The following RAB33A variants were observed in gnomAD, a reference collection of about 807,000 sequenced individuals.
The protein encoded by RAB33A is ras-related protein Rab-33A.
RAB33A carries 6 observed loss-of-function variants against 12.0 expected under a neutral mutation model. That is an observed-to-expected ratio of 0.50 (90% confidence interval 0.27 to 0.99). RAB33A has a LOEUF of 0.99. Ranked by LOEUF, RAB33A falls within the 50% of genes least tolerant of loss-of-function variation. The probability of loss-of-function intolerance (pLI) is 0.11; values close to 1 mark genes in which losing one functional copy is unlikely to be tolerated. For synonymous variants in RAB33A, 70 were observed against 82.4 expected (o/e 0.85, Z 0.81); for missense variants, 109 against 192.0 (o/e 0.57, Z 2.55).
At chrX:130,132,290 A>G in the RAB33A span, among the ~76,000 whole-genome samples, 1 of 112,416 alleles carries the variant, frequency 8.9e-6, no homozygotes, top group African/African-American at 3.2e-5. Flanking sequence ...TAACCCTAAT[A>G]GCTTTGACTT....
chrX:130,157,420 C>G, the RAB33A span, among the ~76,000 whole-genome samples: 8 of 111,817 alleles, frequency 7.2e-5, no homozygotes, highest in Non-Finnish European at 3.8e-5. Flanking sequence ...TGTGATTACT[C>G]CTCGTGTTTG....
upstream of RAB33A, among the ~76,000 whole-genome samples, chrX:130,170,510 G>T (rs1284085267): frequency 8.9e-6 from 1 of 112,334 alleles, no homozygotes; most frequent in Non-Finnish European, 1.9e-5. Flanking sequence ...GCACTTTATC[G>T]TATGTAAATT....
the RAB33A span, among the ~76,000 whole-genome samples, chrX:130,159,158 C>T: frequency 8.9e-6 from 1 of 111,866 alleles, no homozygotes; most frequent in African/African-American, 3.3e-5. Flanking sequence ...ATAAAGTAGC[C>T]TCTCTCCAGT....
At chrX:130,140,908 G>A in the RAB33A span, among the ~76,000 whole-genome samples, 5 of 112,239 alleles carry the variant, frequency 4.5e-5, no homozygotes, top group Non-Finnish European at 7.5e-5. Context: ...CTGAGGCCAC[G>A]AGTTTGAGAC....
the RAB33A span, among the ~76,000 whole-genome samples, chrX:130,122,494 G>C: frequency 8.9e-6 from 1 of 112,504 alleles, no homozygotes; most frequent in Non-Finnish European, 1.9e-5. Context: ...TTCCTGACTT[G>C]CTTGTCACTG....
chrX:130,167,431 T>TA (rs2031550801), upstream of RAB33A, among the ~76,000 whole-genome samples: 1 of 112,948 alleles, frequency 8.9e-6, no homozygotes, highest in South Asian at 3.6e-4. Flanking sequence ...GGGACAATGA[T>TA]AGAGAGTACA....
At chrX:130,135,193 C>T in the RAB33A span, among the ~76,000 whole-genome samples, 1 of 109,060 alleles carries the variant, frequency 9.2e-6, no homozygotes, top group Non-Finnish European at 1.9e-5. Flanking sequence ...AGTGATTCTC[C>T]TGCCTCACTC....
chrX:130,168,654 G>A (rs2031571754), upstream of RAB33A, among the ~76,000 whole-genome samples: 1 of 111,962 alleles, frequency 8.9e-6, no homozygotes, highest in Admixed American at 9.5e-5. Flanking sequence ...GCCTCTCAAA[G>A]TGTTGGGATT....
At chrX:130,142,123 G>C in the RAB33A span, among the ~76,000 whole-genome samples, 1 of 112,062 alleles carries the variant, frequency 8.9e-6, no homozygotes, top group African/African-American at 3.2e-5. Context: ...GCTGCTTTCA[G>C]AGTTTAGTGG....
At chrX:130,145,458 AG>A in the RAB33A span, 1 of 1,163,580 alleles carries the variant, frequency 8.6e-7, no homozygotes, top group Non-Finnish European at 1.2e-6. Flanking sequence ...GCCTGACAAA[AG>A]AAGCGGTCTA....
the RAB33A span, among the ~76,000 whole-genome samples, chrX:130,160,591 A>C: frequency 9.0e-6 from 1 of 111,693 alleles, no homozygotes; most frequent in African/African-American, 3.3e-5. Context: ...TACTATTAAA[A>C]TTTTTTTTAA....
chrX:130,149,686 T>C, the RAB33A span: 14,239 of 549,957 alleles, frequency 0.026, 194 homozygotes, highest in Non-Finnish European at 0.033. Flanking sequence ...TTCCTCTATG[T>C]CAAAACCACT....
At chrX:130,124,107 G>A in the RAB33A span, among the ~76,000 whole-genome samples, 1 of 111,521 alleles carries the variant, frequency 9.0e-6, no homozygotes, top group Non-Finnish European at 1.9e-5. Context: ...AAGCAGAACA[G>A]TAAAGCAACT....
At chrX:130,173,172 C>A (rs770537495) in intron 1 of RAB33A, among the ~76,000 whole-genome samples, 2 of 112,139 alleles carry the variant, frequency 1.8e-5, no homozygotes, top group Non-Finnish European at 1.9e-5. Flanking sequence ...CATTTGTGCT[C>A]ACCTTTAATT....
At chrX:130,160,182 T>C in the RAB33A span, among the ~76,000 whole-genome samples, 2 of 112,364 alleles carry the variant, frequency 1.8e-5, no homozygotes, top group Non-Finnish European at 3.7e-5. Flanking sequence ...TTGTAAAATG[T>C]ACTAAGTATT....
the RAB33A span, among the ~76,000 whole-genome samples, chrX:130,157,418 C>T: frequency 8.9e-6 from 1 of 111,986 alleles, no homozygotes; most frequent in Non-Finnish European, 1.9e-5. Context: ...TCTGTGATTA[C>T]TCCTCGTGTT....
At chrX:130,122,512 G>A in the RAB33A span, among the ~76,000 whole-genome samples, 1 of 112,538 alleles carries the variant, frequency 8.9e-6, no homozygotes, top group East Asian at 2.8e-4. Context: ...CTGCACTTCA[G>A]GGCACGGCTC....
intron 1 of RAB33A, among the ~76,000 whole-genome samples, chrX:130,182,504 C>A (rs894710202): frequency 5.4e-5 from 6 of 110,633 alleles, no homozygotes; most frequent in African/African-American, 1.6e-4. Flanking sequence ...CCTGTAATCC[C>A]AGCTCTTTGG....
the RAB33A span, among the ~76,000 whole-genome samples, chrX:130,120,899 C>A: frequency 2.6e-5 from 3 of 113,309 alleles, no homozygotes; most frequent in African/African-American, 9.6e-5. Flanking sequence ...GCGGCGGCGG[C>A]GGCGGGAACT....
Sources: gnomAD v4.1 joint callset for allele counts (sites outside exome capture counted in the v4.1 genomes callset) on GRCh38, gnomAD v4.1.1 for gene constraint, MANE v1.5 for transcripts, NCBI Gene and HGNC (gene_info 2026-07-23, HGNC 2026-07-21) for gene names.